The following HECW2 variants were observed in gnomAD, a reference collection of about 807,000 sequenced individuals.
HECW2 encodes the protein E3 ubiquitin-protein ligase HECW2.
HECW2 carries 61 observed loss-of-function variants against 175.2 expected under a neutral mutation model. That is an observed-to-expected ratio of 0.35 (90% CI 0.28 to 0.43). The LOEUF is 0.43. Among genes scored for constraint, HECW2 ranks in the 20% least tolerant of loss-of-function variants. HECW2 has a pLI of 1.00. For synonymous variants in HECW2, 671 were observed against 731.0 expected (o/e 0.92, Z 1.32); for missense variants, 1,524 against 2,000.5 (o/e 0.76, Z 4.54).
At chr2:196,368,373 T>C (rs1693810661) in intron 2 of HECW2, among the ~76,000 whole-genome samples, 1 of 152,206 alleles carries the variant, frequency 6.6e-6, no homozygotes, top group East Asian at 1.9e-4. Flanking sequence ...CCATTGTACG[T>C]TGTTTCTTTT....
At chr2:196,372,760 A>T (rs895354584) in intron 2 of HECW2, among the ~76,000 whole-genome samples, 2 of 151,982 alleles carry the variant, frequency 1.3e-5, no homozygotes, top group South Asian at 2.1e-4. Flanking sequence ...TTTGCTTAAC[A>T]TTTTTTTTAG....
At position 196,197,983 on chromosome 2, in the gene HECW2, A is replaced by C. The variant is rs4524133; in HGVS notation, c.*3294T>G. On this transcript the variant is annotated 3_prime_UTR_variant, in exon 29 of 29. Coordinates refer to ENST00000644978, the MANE Select transcript of HECW2 (RefSeq NM_001348768.2). ...TTTATTGCAGAATTTCTGCTAAATT[A>C]TAAACGCAATATATGCTAGAAAATT... is the stretch of plus-strand genomic sequence containing the variant. 1 of 152,112 alleles carries C rather than the reference A, an allele frequency of 6.6e-6. No homozygotes were observed. Among genetic ancestry groups the C allele is most frequent in the Non-Finnish European group, 1.5e-5 (1 of 68,034 alleles). 9.4% of individuals were successfully genotyped at this position (152,112 alleles called of 1,614,324 possible).
chr2:196,592,737 C>T (rs1428885815), intron 1 of HECW2: 1 of 152,126 alleles, frequency 6.6e-6, no homozygotes, highest in East Asian at 1.9e-4. Context: ...CCACCTCCCG[C>T]CGTCCGCTAC....
intron 13 of HECW2, among the ~76,000 whole-genome samples, chr2:196,304,385 C>T (rs930958908): frequency 1.3e-5 from 2 of 152,068 alleles, no homozygotes; most frequent in African/African-American, 4.8e-5. Context: ...TAAAATAGTG[C>T]CTCCTCCACC....
intron 1 of HECW2, among the ~76,000 whole-genome samples, chr2:196,550,738 G>A (rs1317926226): frequency 1.3e-5 from 2 of 152,084 alleles, no homozygotes; most frequent in Non-Finnish European, 2.9e-5. Context: ...TCCTTACAGT[G>A]TCATTTTAAA....
At chr2:196,362,054 T>A (rs919691443) in intron 2 of HECW2, 1 of 985,240 alleles carries the variant, frequency 1.0e-6, no homozygotes, top group Non-Finnish European at 1.2e-6. Context: ...CCCAAAGTTC[T>A]AGAAATGAAA....
chr2:196,372,563 G>T (rs1424181622), intron 2 of HECW2, among the ~76,000 whole-genome samples: 2 of 152,148 alleles, frequency 1.3e-5, no homozygotes, highest in Non-Finnish European at 2.9e-5. Flanking sequence ...CATACAATGG[G>T]TAAAGTCACA....
At chr2:196,517,549 C>A (rs1397532691) in intron 1 of HECW2, among the ~76,000 whole-genome samples, 1 of 151,452 alleles carries the variant, frequency 6.6e-6, no homozygotes, top group Non-Finnish European at 1.5e-5. Flanking sequence ...TAACAAAGAA[C>A]AGACATTTAG....
chr2:196,427,107 A>G (rs1158468373), intron 2 of HECW2, among the ~76,000 whole-genome samples: 1 of 150,220 alleles, frequency 6.7e-6, no homozygotes, highest in Non-Finnish European at 1.5e-5. Context: ...AGCTTGAGCC[A>G]GAATCTGAAA....
intron 28 of HECW2, among the ~76,000 whole-genome samples, chr2:196,204,622 T>C (rs1295393977): frequency 6.6e-6 from 1 of 152,212 alleles, no homozygotes; most frequent in Non-Finnish European, 1.5e-5. Flanking sequence ...AAGACCCAGC[T>C]AAGCTGTGCC....
intron 2 of HECW2, among the ~76,000 whole-genome samples, chr2:196,366,747 T>C (rs1276969153): frequency 2.0e-5 from 3 of 152,214 alleles, no homozygotes; most frequent in Non-Finnish European, 4.4e-5. Context: ...TCCATATTAA[T>C]GGAAACACAA....
chr2:196,489,574 A>T (rs1048594257), intron 1 of HECW2, among the ~76,000 whole-genome samples: 1 of 152,194 alleles, frequency 6.6e-6, no homozygotes, highest in Non-Finnish European at 1.5e-5. Flanking sequence ...AAAGAAAAAC[A>T]TCCCTGGCGT....
intron 10 of HECW2, among the ~76,000 whole-genome samples, chr2:196,310,477 C>G (rs190150525): frequency 6.6e-6 from 1 of 152,212 alleles, no homozygotes; most frequent in Non-Finnish European, 1.5e-5. Flanking sequence ...CAGGCAAAGG[C>G]AGCAGAGGTG....
At chr2:196,233,603 C>G (rs1688134885) in intron 21 of HECW2, among the ~76,000 whole-genome samples, 1 of 152,074 alleles carries the variant, frequency 6.6e-6, no homozygotes, top group Admixed American at 6.5e-5. Flanking sequence ...AGTTCTTGAG[C>G]CAATTAAGAA....
intron 7 of HECW2, among the ~76,000 whole-genome samples, 159 bp downstream of exon 7, chr2:196,322,319 T>G (rs1214019998): frequency 6.6e-6 from 1 of 152,230 alleles, no homozygotes; most frequent in Non-Finnish European, 1.5e-5. Context: ...TACTTTTTTG[T>G]CAAGTACATT....
intron 1 of HECW2, among the ~76,000 whole-genome samples, chr2:196,436,822 G>T (rs1695892203): frequency 6.6e-6 from 1 of 151,178 alleles, no homozygotes; most frequent in Admixed American, 6.6e-5. Context: ...GAAATTTTGG[G>T]GAACAAAAGC....
At chr2:196,562,140 G>T (rs74396962) in intron 1 of HECW2, among the ~76,000 whole-genome samples, 1 of 152,154 alleles carries the variant, frequency 6.6e-6, no homozygotes, top group African/African-American at 2.4e-5. Context: ...TAGATTTGCA[G>T]GTGGTTAAGC....
intron 1 of HECW2, chr2:196,586,581 G>C (rs1203629094): frequency 1.3e-5 from 2 of 152,030 alleles, no homozygotes. Context: ...AGATCAGAGG[G>C]TATTACGTCT....
chr2:196,456,010 A>T (rs1696499861), intron 1 of HECW2, among the ~76,000 whole-genome samples: 1 of 152,068 alleles, frequency 6.6e-6, no homozygotes, highest in Non-Finnish European at 1.5e-5. Context: ...ACATTTGGAA[A>T]GGAGACTCAA....
Sources: gnomAD v4.1 joint callset for allele counts (sites outside exome capture counted in the v4.1 genomes callset) on GRCh38, gnomAD v4.1.1 for gene constraint, MANE v1.5 for transcripts, NCBI Gene and HGNC (gene_info 2026-07-23, HGNC 2026-07-21) for gene names.